Variants in TEX35 observed in about 807,000 individuals in gnomAD.
TEX35 encodes the protein testis expressed 35.
TEX35 carries 26 observed loss-of-function variants against 31.9 expected under a neutral mutation model. That is an observed-to-expected ratio of 0.81 (90% confidence interval 0.60 to 1.13). The LOEUF (loss-of-function observed/expected upper bound fraction) is 1.13. TEX35 is among the 50% of genes most tolerant of loss of function. The pLI, the probability that TEX35 is intolerant of heterozygous loss-of-function variation, is 0.00. For missense variants in TEX35, 278 were observed against 273.5 expected, an observed-to-expected ratio of 1.02 and a Z score of -0.12; for synonymous variants, 87 against 90.7, an observed-to-expected ratio of 0.96 and a Z score of 0.23.
At chr1:178,514,558 T>G (rs1396949098) in intron 2 of TEX35, 142 bp from the exon 3 acceptor site, 1 of 780,930 alleles carries the variant, frequency 1.3e-6, no homozygotes, top group Non-Finnish European at 2.1e-6. Context: ...TAGAGGAACC[T>G]TCTGCACAGG....
chr1:178,522,988 C>G (rs1034373101), downstream of TEX35, among the ~76,000 whole-genome samples: 1 of 152,196 alleles, frequency 6.6e-6, no homozygotes, highest in Non-Finnish European at 1.5e-5. Flanking sequence ...CATCCTTCTA[C>G]TCTATATCCA....
At position 178,513,153 on chromosome 1, in the gene TEX35, T is replaced by G. The variant is rs372896455; in HGVS notation, c.-36T>G. 314 of 1,612,034 alleles carry G rather than the reference T, an allele frequency of 1.9e-4. 1 individual carries two copies. Among genetic ancestry groups the G allele is most frequent in the Non-Finnish European group, 2.5e-4 (297 of 1,178,480 alleles). On this transcript the variant is annotated 5_prime_UTR_variant, in exon 1 of 9. Transcript: ENST00000319416. ...ACAGTGGCCTGGTCCCAGGGGCTGT[T>G]GTGGGGAGTTGAAGAACACCCTGGC...
At position 178,517,893 on chromosome 1, in the gene TEX35, A is replaced by G. The variant is rs16852960; in HGVS notation, c.276+1219A>G. ...AAATATAAATACAATGGAAGAAATT[A>G]CAAAGGACATATTGATATATTTAAC... On this transcript the variant is annotated intron_variant, in intron 5 of 8. Coordinates refer to ENST00000319416, the MANE Select transcript of TEX35 (RefSeq NM_032126.5). Among the ~76,000 whole-genome samples, 760 of 152,338 alleles carry G rather than the reference A, an allele frequency of 5.0e-3. 4 individuals are homozygous for G. Among genetic ancestry groups the G allele is most frequent in the African/African-American group, 0.018 (730 of 41,584 alleles).
At chr1:178,521,926 G>A in intron 8 of TEX35, 2 of 1,248,404 alleles carry the variant, frequency 1.6e-6, no homozygotes, top group Non-Finnish European at 2.2e-6. Context: ...CTTCCTGATG[G>A]ATTGGTGGGA....
intron 2 of TEX35, 118 bp downstream of exon 2, chr1:178,514,195 G>A (rs1558036418): frequency 1.9e-6 from 3 of 1,586,064 alleles, no homozygotes; most frequent in Non-Finnish European, 2.6e-6. Context: ...GGTGCTGGGG[G>A]ATGCACTGAG....
chr1:178,513,355 A>G, intron 1 of TEX35, 128 bp downstream of exon 1: 1 of 1,244,802 alleles, frequency 8.0e-7, no homozygotes, highest in Non-Finnish European at 1.1e-6. Context: ...TGTACTGAGC[A>G]TAAAGCAGCC....
intron 2 of TEX35, 78 bp from the exon 3 acceptor site, chr1:178,514,622 G>T: frequency 7.1e-7 from 1 of 1,412,268 alleles, no homozygotes. Flanking sequence ...CAGAAACACA[G>T]GGGGATCTCT....
At chr1:178,514,654 C>T in intron 2 of TEX35, 46 bp from the exon 3 acceptor site, 1 of 1,579,886 alleles carries the variant, frequency 6.3e-7, no homozygotes, top group Non-Finnish European at 8.7e-7. Flanking sequence ...ACTTCCACCG[C>T]CCATCTGCAA....
At chr1:178,521,393 G>A in intron 8 of TEX35, 129 bp downstream of exon 8, 2 of 1,171,642 alleles carry the variant, frequency 1.7e-6, no homozygotes, top group Non-Finnish European at 2.6e-6. Flanking sequence ...ACTGTTAGCA[G>A]ATGCTGCCAC....
At chr1:178,522,058 T>C in intron 8 of TEX35, 1 of 654,510 alleles carries the variant, frequency 1.5e-6, no homozygotes, top group Non-Finnish European at 2.5e-6. Flanking sequence ...CGCCAGTCTG[T>C]GTGGTCTCAG....
In TEX35 at chr1:178,522,428, T is replaced by A. The variant is rs1650320852; in HGVS notation, c.690T>A (p.Thr230=). The A allele has an allele frequency of 2.5e-6, 4 of 1,597,394 alleles. No homozygotes were observed. Among genetic ancestry groups the A allele is most frequent in the Non-Finnish European group, 3.4e-6 (4 of 1,170,712 alleles). ...CTGTGCCTGCCCCAAAGTCCCAGACTGAGGGAAGGTGAAGCTTAACTGCCA... is the reference window on the plus strand; with the variant it reads ...CTGTGCCTGCCCCAAAGTCCCAGACAGAGGGAAGGTGAAGCTTAACTGCCA... ...GHAVPAPKSQ[T]EGR is the part of the protein sequence containing the mutation. The change falls in exon 9 of 9, where the codon ACT becomes ACA. Residue 230 remains threonine (T), a synonymous_variant. Transcript: ENST00000319416.
chr1:178,522,545 C>T lies in TEX35; in HGVS notation c.*105C>T, dbSNP rs3813637. On this transcript the variant is annotated 3_prime_UTR_variant, in exon 9 of 9. Coordinates refer to ENST00000319416, the MANE Select transcript of TEX35 (RefSeq NM_032126.5). ...GATTCTTTGGCTTCAATTTGAAGGA[C>T]GAGGAATGATGGGATTTCATATTTT... 7.5e-5 allele frequency: 100 copies of T among 1,328,528 alleles called. No individual in the cohort carries two copies. The highest frequency in any genetic ancestry group is 1.7e-4 in the East Asian group (6 of 35,750). The allele number at this position is 1,328,528 out of a possible 1,614,324, so 82.3% of individuals were successfully genotyped here.
intron 8 of TEX35, chr1:178,521,596 C>T (rs1558039761): frequency 1.3e-6 from 2 of 1,547,550 alleles, no homozygotes; most frequent in Middle Eastern, 1.7e-4. Flanking sequence ...CCCTTTTCAC[C>T]CTTGGCTTCT....
Position 178,514,096 on chromosome 1 carries a change from G to C in TEX35, c.90+19G>C. The C allele has an allele frequency of 6.2e-7, 1 of 1,613,908 alleles. No homozygotes were observed. The highest frequency in any genetic ancestry group is 2.2e-5 in the East Asian group (1 of 44,862). ...GACCAAAGTAAGAAGCCCTTTTGAG[G>C]CCATGCAGGCAGCCAGGCCTGAGAT... On this transcript the variant is annotated intron_variant, in intron 2 of 8. Coordinates refer to ENST00000319416, the MANE Select transcript of TEX35 (RefSeq NM_032126.5).
chr1:178,520,329 G>A (rs376170105), intron 5 of TEX35, 43 bp from the exon 6 acceptor site: 78 of 1,586,540 alleles, frequency 4.9e-5, no homozygotes, highest in Non-Finnish European at 6.4e-5. Flanking sequence ...TATTTCCAAA[G>A]TCCTTCAAAA....
At chr1:178,522,138 G>T in intron 8 of TEX35, 187 bp from the exon 9 acceptor site, 6 of 809,058 alleles carry the variant, frequency 7.4e-6, no homozygotes, top group Non-Finnish European at 7.5e-6. Flanking sequence ...TGGGGCCAGG[G>T]TGTCTTGGGT....
intron 8 of TEX35, 171 bp from the exon 9 acceptor site, chr1:178,522,154 A>G: frequency 1.1e-6 from 1 of 922,660 alleles, no homozygotes. Flanking sequence ...TGGGTGATGC[A>G]GGGAACCCCT....
chr1:178,516,884 C>T (rs1006363998), intron 5 of TEX35, among the ~76,000 whole-genome samples: 4 of 152,184 alleles, frequency 2.6e-5, no homozygotes, highest in South Asian at 4.1e-4. Context: ...GAGTAAGCAG[C>T]GAAGTCCTTA....
intron 1 of TEX35, among the ~76,000 whole-genome samples, 166 bp from the exon 2 acceptor site, chr1:178,513,861 C>G (rs1363516521): frequency 6.6e-6 from 1 of 152,194 alleles, no homozygotes; most frequent in Non-Finnish European, 1.5e-5. Context: ...TGTTAGGAAT[C>G]GGATCCGGGT....
Sources: allele counts gnomAD v4.1 joint callset (sites outside exome capture counted in the v4.1 genomes callset), GRCh38; gene constraint gnomAD v4.1.1; transcripts MANE v1.5; gene names NCBI Gene and HGNC (gene_info 2026-07-23, HGNC 2026-07-21).